CPNE5: variants seen among roughly 807,000 people sequenced by gnomAD.
CPNE5 encodes the protein copine-5.
In CPNE5, 42 loss-of-function variants were observed where a neutral mutation model predicts 81.1. The observed-to-expected ratio is 0.52, with a 90% confidence interval of 0.40 to 0.67. The LOEUF is 0.67. Ranked by LOEUF, CPNE5 falls within the 30% of genes least tolerant of loss-of-function variation. The pLI is 0.00. For missense variants in CPNE5, 612 were observed against 815.5 expected, an observed-to-expected ratio of 0.75 and a Z score of 3.04; for synonymous variants, 313 against 321.5, an observed-to-expected ratio of 0.97 and a Z score of 0.28.
intron 3 of CPNE5, among the ~76,000 whole-genome samples, chr6:36,818,642 G>C (rs1771772243): frequency 6.6e-6 from 1 of 152,178 alleles, no homozygotes; most frequent in Non-Finnish European, 1.5e-5. Flanking sequence ...GCCAGATGTG[G>C]AAACTGAGGT....
At chr6:36,805,251 G>T (rs1475045935) in intron 3 of CPNE5, among the ~76,000 whole-genome samples, 1 of 151,764 alleles carries the variant, frequency 6.6e-6, no homozygotes, top group Admixed American at 6.5e-5. Context: ...CAATCTAACT[G>T]CTGTGCAGCA....
intron 7 of CPNE5, 34 bp from the exon 8 acceptor site, chr6:36,792,130 A>C: frequency 6.3e-7 from 1 of 1,594,652 alleles, no homozygotes; most frequent in Non-Finnish European, 8.6e-7. Context: ...ATGGAAAGCC[A>C]GACAAAGACA....
chr6:36,783,627 C>T lies in CPNE5; in HGVS notation c.529-4670G>A, dbSNP rs116302392. Among the ~76,000 whole-genome samples, 1,466 of 152,232 alleles carry T rather than the reference C, an allele frequency of 9.6e-3. 33 individuals carry two copies. Among genetic ancestry groups the T allele is most frequent in the African/African-American group, 0.034 (1,395 of 41,520 alleles). On this transcript the variant is annotated intron_variant, in intron 8 of 20. Coordinates refer to ENST00000244751, the MANE Select transcript of CPNE5 (RefSeq NM_020939.2). ...CAAGCAATCCCCCTGCCTTAGGCTC[C>T]TGAGAAGCTGGGACCACAGGTGTGT...
At chr6:36,817,483 C>T (rs1201292042) in intron 3 of CPNE5, among the ~76,000 whole-genome samples, 1 of 152,144 alleles carries the variant, frequency 6.6e-6, no homozygotes, top group Non-Finnish European at 1.5e-5. Context: ...GACCCTTCTG[C>T]TCTGACATTC....
intron 12 of CPNE5, among the ~76,000 whole-genome samples, chr6:36,759,719 T>A (rs1765837292): frequency 6.6e-6 from 1 of 151,652 alleles, no homozygotes; most frequent in Non-Finnish European, 1.5e-5. Flanking sequence ...CGTGGACCAA[T>A]AGCTCCTACC....
In CPNE5 at chr6:36,745,518, G is replaced by T; in HGVS notation, c.1201-3C>A. 1 of 1,597,462 alleles carries T rather than the reference G, an allele frequency of 6.3e-7. No homozygotes were observed. Among genetic ancestry groups the T allele is most frequent in the Non-Finnish European group, 8.5e-7 (1 of 1,171,974 alleles). ...GAGGGGTTCTCCTGGTTGCCATTCT[G>T]GGGGACAGAGGGCAGGGAGGCTGAG... is the stretch of plus-strand genomic sequence containing the variant. On this transcript the variant is annotated splice_region_variant and splice_polypyrimidine_tract_variant and intron_variant, in intron 16 of 20. Transcript: ENST00000244751.
chr6:36,760,019 C>T (rs1179228810), intron 12 of CPNE5, among the ~76,000 whole-genome samples: 2 of 143,902 alleles, frequency 1.4e-5, no homozygotes, highest in Admixed American at 7.0e-5. Context: ...CCAGACTGGG[C>T]AACATGGCAA....
chr6:36,775,520 T>A (rs1166365391), intron 9 of CPNE5, among the ~76,000 whole-genome samples: 3 of 152,208 alleles, frequency 2.0e-5, no homozygotes, highest in Non-Finnish European at 4.4e-5. Flanking sequence ...AGAAATTAGA[T>A]GTATGGGTCA....
rs1582661688 is a variant in CPNE5 at position 36,742,117 on chromosome 6, A to C, written c.*151T>G. 1.7e-6 allele frequency: 1 copy of C among 594,172 alleles called. No individual in the cohort carries two copies. Among genetic ancestry groups the C allele is most frequent in the Middle Eastern group, 4.5e-4 (1 of 2,200 alleles). The allele number at this position is 594,172 out of a possible 1,614,324, so 36.8% of individuals were successfully genotyped here. ...AATAAGTGAGGCCAAGAAATTGAGG[A>C]GGGGTCTTCAGAAGCCCCACCCCCT... On this transcript the variant is annotated 3_prime_UTR_variant, in exon 21 of 21. Transcript: ENST00000244751.
intron 15 of CPNE5, among the ~76,000 whole-genome samples, chr6:36,747,276 G>A (rs9394380): frequency 0.74 from 111,541 of 151,526 alleles, 41,242 homozygotes; most frequent in African/African-American, 0.77. Context: ...CCTCTTCGCT[G>A]CCAATATAGT....
intron 1 of CPNE5, chr6:36,827,227 T>C (rs1304781927): frequency 6.5e-5 from 44 of 671,782 alleles, no homozygotes; most frequent in East Asian, 1.4e-4. Flanking sequence ...CCCTGCGCCC[T>C]ACACCCTCTG....
At chr6:36,831,356 C>T (rs1263944887) in intron 1 of CPNE5, among the ~76,000 whole-genome samples, 3 of 149,012 alleles carry the variant, frequency 2.0e-5, no homozygotes, top group Non-Finnish European at 3.0e-5. Flanking sequence ...CACCCGGACT[C>T]TTTTTATTTT....
At chr6:36,812,839 G>GGA (rs983436386) in intron 3 of CPNE5, among the ~76,000 whole-genome samples, 1 of 152,236 alleles carries the variant, frequency 6.6e-6, no homozygotes, top group Non-Finnish European at 1.5e-5. Flanking sequence ...TCTGCAAAAA[G>GGA]GAGAGAGTCC....
At chr6:36,793,380 A>G (rs1245068497) in intron 7 of CPNE5, among the ~76,000 whole-genome samples, 1 of 152,298 alleles carries the variant, frequency 6.6e-6, no homozygotes, top group East Asian at 1.9e-4. Flanking sequence ...AGACTTGGGC[A>G]GCTGAGCTGA....
At chr6:36,827,594 C>T in intron 1 of CPNE5, 2 of 985,406 alleles carry the variant, frequency 2.0e-6, no homozygotes, top group African/African-American at 1.7e-5. Flanking sequence ...AAGGCACAGA[C>T]CACAACACAC....
At chr6:36,763,018 C>G (rs1169470194) in intron 11 of CPNE5, 26 bp from the exon 12 acceptor site, 1 of 1,608,112 alleles carries the variant, frequency 6.2e-7, no homozygotes, top group Non-Finnish European at 8.5e-7. Flanking sequence ...GCTGCTGAGA[C>G]CAAGGCCAGG....
intron 3 of CPNE5, among the ~76,000 whole-genome samples, chr6:36,816,695 T>C (rs1048596245): frequency 6.6e-6 from 1 of 152,226 alleles, no homozygotes; most frequent in East Asian, 1.9e-4. Context: ...GATTTTTCTT[T>C]AATTCTCCAT....
intron 8 of CPNE5, among the ~76,000 whole-genome samples, chr6:36,784,739 C>T (rs1202593290): frequency 1.3e-5 from 2 of 152,030 alleles, no homozygotes; most frequent in Admixed American, 6.5e-5. Context: ...CCCGGGATTT[C>T]GAGACCAGCC....
intron 1 of CPNE5, among the ~76,000 whole-genome samples, chr6:36,825,382 A>G (rs1772414054): frequency 6.6e-6 from 1 of 152,124 alleles, no homozygotes; most frequent in Non-Finnish European, 1.5e-5. Flanking sequence ...AAATGGCTTC[A>G]GGAAACCAGT....
Sources: gnomAD v4.1 joint callset for allele counts (sites outside exome capture counted in the v4.1 genomes callset) on GRCh38, gnomAD v4.1.1 for gene constraint, MANE v1.5 for transcripts, NCBI Gene and HGNC (gene_info 2026-07-23, HGNC 2026-07-21) for gene names.